The following KANSL1 variants were observed in gnomAD, a reference collection of about 807,000 sequenced individuals.
KANSL1 encodes the protein MLL1/MLL complex subunit KANSL1.
A neutral mutation model predicts 103.6 loss-of-function variants in KANSL1; 22 were observed. The ratio of observed to expected loss-of-function variants is 0.21; its 90% CI spans 0.15 to 0.30. KANSL1 has a LOEUF of 0.30. KANSL1 is among the 10% of genes least tolerant of loss of function. The probability of loss-of-function intolerance (pLI) is 1.00; values close to 1 mark genes in which losing one functional copy is unlikely to be tolerated. For synonymous variants in KANSL1, 600 were observed against 527.6 expected, an observed-to-expected ratio of 1.14 and a Z score of -1.88; for missense variants, 1,337 against 1,399.8, an observed-to-expected ratio of 0.96 and a Z score of 0.72.
intron 2 of KANSL1, among the ~76,000 whole-genome samples, chr17:46,109,165 CTCAAACTCCTAGGCTCAGGTGAT>C (rs1479224780): frequency 1.3e-5 from 2 of 152,118 alleles, no homozygotes; most frequent in African/African-American, 4.8e-5. Context: ...CCAGGCTGGT[CTCAAACTCCTAGGCTCAGGTGAT>C]TCTCCTGCCT....
At chr17:46,067,806 A>G (rs945737240) in intron 4 of KANSL1, 139 bp from the exon 5 acceptor site, 46 of 598,966 alleles carry the variant, frequency 7.7e-5, no homozygotes, top group South Asian at 2.4e-4. Flanking sequence ...TGACTGAAGA[A>G]AAAGAAAATA....
intron 7 of KANSL1, chr17:46,042,949 AAC>A (rs2077378227): frequency 1.3e-5 from 2 of 152,226 alleles, no homozygotes; most frequent in Admixed American, 6.5e-5. Context: ...CAAGTGTAAA[AAC>A]ACAGTCTCTG....
chr17:46,177,500 C>T (rs2046579423), intron 1 of KANSL1, among the ~76,000 whole-genome samples: 1 of 152,212 alleles, frequency 6.6e-6, no homozygotes. Context: ...CAATGGAATA[C>T]TGTGCAACCC....
intron 10 of KANSL1, chr17:46,038,291 C>T (rs2077208503): frequency 5.7e-6 from 3 of 527,904 alleles, no homozygotes; most frequent in Non-Finnish European, 1.0e-5. Flanking sequence ...CTGCATCAAG[C>T]TTTCTATGGA....
rs192689409 is a variant in KANSL1 at position 46,087,880 on chromosome 17, G to A, written c.1432-5338C>T. Among the ~76,000 whole-genome samples the A allele has an allele frequency of 6.5e-3, 796 of 122,526 alleles. 8 individuals carry two copies. The highest frequency in any genetic ancestry group is 0.019 in the African/African-American group (758 of 39,362). 80.4% of individuals were successfully genotyped at this position (122,526 alleles called of 152,430 possible). A position where few individuals can be genotyped will look rare whatever the true frequency, so the allele number is the denominator to read the frequency against. On this transcript the variant is annotated intron_variant, in intron 3 of 14. Coordinates refer to ENST00000432791, the MANE Select transcript of KANSL1 (RefSeq NM_015443.4). The stretch of plus-strand genomic sequence containing the variant: ...GCATTAGCTGAGAAAACTTCATAAT[G>A]TTCTACTCCACACCTGTCATGCTAC...
intron 2 of KANSL1, among the ~76,000 whole-genome samples, chr17:46,130,093 G>T (rs1269246904): frequency 3.3e-5 from 5 of 151,338 alleles, no homozygotes; most frequent in African/African-American, 1.2e-4. Flanking sequence ...GGCTGAGACG[G>T]GAGAATCACT....
intron 2 of KANSL1, among the ~76,000 whole-genome samples, chr17:46,160,207 T>C (rs566868637): frequency 2.0e-5 from 3 of 152,186 alleles, no homozygotes; most frequent in African/African-American, 4.8e-5. Context: ...GATCAATAAA[T>C]ACTAATTCCT....
chr17:46,059,647 A>AGAGAGAGAGAGAGAGAG (rs149985527), intron 6 of KANSL1, among the ~76,000 whole-genome samples: 25 of 54,862 alleles, frequency 4.6e-4, no homozygotes, highest in African/African-American at 1.3e-3. Context: ...AAAAAAAAAA[A>AGAGAGAGAGAGAGAGAG]AGAGAGAGAG....
intron 2 of KANSL1, among the ~76,000 whole-genome samples, chr17:46,114,314 G>A (rs1490816681): frequency 4.6e-5 from 7 of 152,116 alleles, no homozygotes; most frequent in Admixed American, 2.6e-4. Context: ...AGCCAAGATC[G>A]CGCCATTGCA....
intron 1 of KANSL1, among the ~76,000 whole-genome samples, chr17:46,210,104 C>G (rs905855145): frequency 6.6e-6 from 1 of 152,186 alleles, no homozygotes; most frequent in African/African-American, 2.4e-5. Context: ...GCATGAATAA[C>G]CTTCTGAGGA....
At chr17:46,043,589 A>G (rs2077401150) in intron 7 of KANSL1, 1 of 152,224 alleles carries the variant, frequency 6.6e-6, no homozygotes, top group African/African-American at 2.4e-5. Context: ...TTCTTCCCAA[A>G]CAATACATTA....
At chr17:46,170,804 T>C in intron 2 of KANSL1, 51 bp downstream of exon 2, 1 of 1,507,192 alleles carries the variant, frequency 6.6e-7, no homozygotes, top group South Asian at 1.2e-5. Context: ...CATTCATTCT[T>C]CCTTGTGCCA....
intron 3 of KANSL1, among the ~76,000 whole-genome samples, chr17:46,083,277 C>T (rs2079046400): frequency 1.3e-5 from 2 of 152,066 alleles, no homozygotes; most frequent in Admixed American, 1.3e-4. Flanking sequence ...ATGAATCCCA[C>T]CATGTATACC....
At chr17:46,046,626 A>T (rs1322898774) in intron 7 of KANSL1, among the ~76,000 whole-genome samples, 1 of 149,780 alleles carries the variant, frequency 6.7e-6, no homozygotes, top group Non-Finnish European at 1.5e-5. Flanking sequence ...TCACGAGGTC[A>T]GGAGTTCAAG....
chr17:46,195,749 GATACAGAGTCTCCCT>G (rs2047585930), upstream of KANSL1, among the ~76,000 whole-genome samples: 1 of 152,090 alleles, frequency 6.6e-6, no homozygotes, highest in South Asian at 2.1e-4. Context: ...TGTTTTGGTA[GATACAGAGTCTCCCT>G]ATGTTGCCCA....
At chr17:46,069,066 C>T (rs2078484231) in intron 4 of KANSL1, among the ~76,000 whole-genome samples, 1 of 152,150 alleles carries the variant, frequency 6.6e-6, no homozygotes, top group East Asian at 1.9e-4. Flanking sequence ...GCTGGGATTA[C>T]AGGCACACAC....
chr17:46,182,133 G>GT (rs1196553705), intron 1 of KANSL1, among the ~76,000 whole-genome samples: 2 of 152,218 alleles, frequency 1.3e-5, no homozygotes, highest in Non-Finnish European at 2.9e-5. Context: ...TTGGTACATA[G>GT]TAAGTGCTGT....
At chr17:46,068,101 C>T (rs1163200083) in intron 4 of KANSL1, among the ~76,000 whole-genome samples, 1 of 152,110 alleles carries the variant, frequency 6.6e-6, no homozygotes, top group Non-Finnish European at 1.5e-5. Flanking sequence ...GGAACAGAAG[C>T]TTAGCAAAAC....
intron 1 of KANSL1, among the ~76,000 whole-genome samples, chr17:46,184,056 C>G (rs2046911569): frequency 6.6e-6 from 1 of 152,240 alleles, no homozygotes; most frequent in Non-Finnish European, 1.5e-5. Context: ...TTGAGTTAAT[C>G]ATGACCTCAA....
Sources: gnomAD v4.1 joint callset for allele counts (sites outside exome capture counted in the v4.1 genomes callset) on GRCh38, gnomAD v4.1.1 for gene constraint, MANE v1.5 for transcripts, NCBI Gene and HGNC (gene_info 2026-07-23, HGNC 2026-07-21) for gene names.